Variants in LY96 observed in about 807,000 individuals in gnomAD.
The protein encoded by LY96 is lymphocyte antigen 96, also known as myeloid differentiation protein-2.
In LY96, 18 loss-of-function variants were observed where a neutral mutation model predicts 18.9. The ratio of observed to expected loss-of-function variants is 0.95; its 90% CI spans 0.66 to 1.41. The LOEUF is 1.41. LY96 is among the 40% of genes most tolerant of loss of function. The probability of loss-of-function intolerance (pLI) is 0.00; values close to 1 mark genes in which losing one functional copy is unlikely to be tolerated. For synonymous variants in LY96, 66 were observed against 62.6 expected, an observed-to-expected ratio of 1.06 and a Z score of -0.26; for missense variants, 175 against 182.4, an observed-to-expected ratio of 0.96 and a Z score of 0.23.
the LY96 span, among the ~76,000 whole-genome samples, chr8:74,042,899 C>T: frequency 3.9e-5 from 6 of 152,106 alleles, no homozygotes; most frequent in African/African-American, 1.2e-4. Flanking sequence ...GCCTCAGCCT[C>T]CCGAGTAGCT....
chr8:74,093,700 C>T, the LY96 span, among the ~76,000 whole-genome samples: 1 of 152,206 alleles, frequency 6.6e-6, no homozygotes, highest in Non-Finnish European at 1.5e-5. Context: ...CAGATTTCAT[C>T]ATCTGCTGGT....
At chr8:74,031,856 G>A (rs1816976861), downstream of LY96, among the ~76,000 whole-genome samples, 1 of 152,112 alleles carries the variant, frequency 6.6e-6, no homozygotes. Context: ...AGGCATGGTG[G>A]CTTCTGCCTG....
chr8:74,017,728 G>C (rs528873275), intron 3 of LY96, among the ~76,000 whole-genome samples: 1 of 152,336 alleles, frequency 6.6e-6, no homozygotes, highest in Non-Finnish European at 1.5e-5. Context: ...CAAGCCAGAA[G>C]AGAGTGGTGG....
chr8:74,007,171 G>C (rs780581798), intron 2 of LY96, among the ~76,000 whole-genome samples: 20 of 152,316 alleles, frequency 1.3e-4, no homozygotes, highest in Middle Eastern at 3.4e-3. Flanking sequence ...CCTGGCTCTA[G>C]GGTCCTTGCA....
chr8:74,013,424 C>T (rs890918041), intron 3 of LY96, among the ~76,000 whole-genome samples: 3 of 151,814 alleles, frequency 2.0e-5, no homozygotes, highest in Non-Finnish European at 2.9e-5. Context: ...TGTGAGCCAC[C>T]GCACCTGGCC....
intron 1 of LY96, among the ~76,000 whole-genome samples, chr8:74,001,036 T>C (rs968970107): frequency 1.3e-5 from 2 of 152,160 alleles, no homozygotes; most frequent in African/African-American, 4.8e-5. Context: ...TCAACACTCT[T>C]GCACTGGGGA....
At chr8:74,050,728 G>A in the LY96 span, among the ~76,000 whole-genome samples, 170 of 152,158 alleles carry the variant, frequency 1.1e-3, 1 homozygote, top group Middle Eastern at 0.031. Flanking sequence ...TCTTTTAAAC[G>A]TTATCTAAGA....
At chr8:74,080,553 G>T in the LY96 span, among the ~76,000 whole-genome samples, 1 of 152,312 alleles carries the variant, frequency 6.6e-6, no homozygotes, top group Non-Finnish European at 1.5e-5. Flanking sequence ...CAAGCTGTGC[G>T]TATGAAACAC....
In LY96 at chr8:74,002,487, T is replaced by C. The variant is rs533611271; in HGVS notation, c.113-2309T>C. Among the ~76,000 whole-genome samples the C allele has an allele frequency of 2.6e-5, 4 of 152,142 alleles. No individual in the cohort carries two copies. The South Asian group carries it at 8.3e-4, about 32-fold the overall frequency. ...CTGAGTTCACTGATCCTTTCTCTAC[T>C]TGGTCTAGTCTGCTGCTGAACCCCT... On this transcript the variant is annotated intron_variant, in intron 1 of 4. Transcript: ENST00000284818.
intron 1 of LY96, among the ~76,000 whole-genome samples, chr8:73,994,381 C>T (rs1181944841): frequency 6.6e-6 from 1 of 152,210 alleles, no homozygotes; most frequent in Non-Finnish European, 1.5e-5. Flanking sequence ...ACTGATTCCT[C>T]TAGGTACCAT....
At chr8:74,029,150 C>T (rs1296950561), downstream of LY96, 1 of 720,122 alleles carries the variant, frequency 1.4e-6, no homozygotes, top group African/African-American at 1.8e-5. Context: ...GATAGGAAGA[C>T]ACAGAAATGA....
chr8:74,020,041 C>T (rs546600913), intron 3 of LY96, among the ~76,000 whole-genome samples: 3 of 152,254 alleles, frequency 2.0e-5, no homozygotes, highest in African/African-American at 4.8e-5. Context: ...ACCACTCCTA[C>T]TCAACATAGT....
intron 3 of LY96, among the ~76,000 whole-genome samples, chr8:74,022,562 T>C (rs887194016): frequency 6.6e-6 from 1 of 150,922 alleles, no homozygotes; most frequent in Non-Finnish European, 1.5e-5. Flanking sequence ...AATAGAAATC[T>C]AGGGTTTTTT....
intron 1 of LY96, among the ~76,000 whole-genome samples, chr8:73,998,859 T>A (rs1816206287): frequency 6.6e-6 from 1 of 152,252 alleles, no homozygotes; most frequent in Non-Finnish European, 1.5e-5. Context: ...ATCAATTTAT[T>A]TTATTGTTTT....
the LY96 span, among the ~76,000 whole-genome samples, chr8:74,038,734 T>G: frequency 6.6e-6 from 1 of 152,186 alleles, no homozygotes; most frequent in African/African-American, 2.4e-5. Context: ...ATTGTGTAAA[T>G]GTACCATATT....
chr8:74,033,461 C>T (rs1045884093), downstream of LY96, among the ~76,000 whole-genome samples: 4 of 152,178 alleles, frequency 2.6e-5, no homozygotes, highest in Non-Finnish European at 5.9e-5. Context: ...GGCCCAACCC[C>T]CTGCTGGGGG....
At chr8:74,072,166 A>T in the LY96 span, among the ~76,000 whole-genome samples, 1 of 152,194 alleles carries the variant, frequency 6.6e-6, no homozygotes, top group African/African-American at 2.4e-5. Flanking sequence ...TTTAATAGAT[A>T]TAGAAATGCA....
chr8:73,993,723 G>A lies in LY96; in HGVS notation c.112+2169G>A, dbSNP rs1384361183. Among the ~76,000 whole-genome samples, 4 of 152,000 alleles carry A rather than the reference G, an allele frequency of 2.6e-5. No individual in the cohort carries two copies. The East Asian group carries it at 5.8e-4, about 22-fold the overall frequency. ...CTCCCAAAGTGTTGGGATTACAGGC[G>A]TGAGCCACCGCAGCTGGCCTAATTA... On this transcript the variant is annotated intron_variant, in intron 1 of 4. Coordinates refer to ENST00000284818, the MANE Select transcript of LY96 (RefSeq NM_015364.5).
chr8:74,029,024 T>C lies in LY96; in HGVS notation c.453T>C (p.Phe151=). Reference sequence around the variant, plus strand: ...AAGAAATGCTCTTTTGCTTGGAGTTTGTCATCCTACACCAACCTAATTCAA... The same window carrying C: ...AAGAAATGCTCTTTTGCTTGGAGTTCGTCATCCTACACCAACCTAATTCAA... ...SPEEMLFCLE[F]VILHQPNSN Residue 151 remains phenylalanine, a synonymous_variant, in exon 5 of 5, where the codon TTT becomes TTC. Transcript: ENST00000284818. The C allele has an allele frequency of 1.2e-6, 2 of 1,610,834 alleles. No individual in the cohort carries two copies. The highest frequency in any genetic ancestry group is 1.7e-6 in the Non-Finnish European group (2 of 1,177,668).
Sources: gnomAD v4.1 joint callset for allele counts (sites outside exome capture counted in the v4.1 genomes callset) on GRCh38, gnomAD v4.1.1 for gene constraint, MANE v1.5 for transcripts, NCBI Gene and HGNC (gene_info 2026-07-23, HGNC 2026-07-21) for gene names.